Variants in ADGRE3 observed in about 807,000 individuals in gnomAD.
The protein encoded by ADGRE3 is EGF-like module receptor 3.
ADGRE3 carries 88 observed loss-of-function variants against 80.1 expected under a neutral mutation model. The ratio of observed to expected loss-of-function variants is 1.10; its 90% CI spans 0.93 to 1.31. ADGRE3 has a LOEUF of 1.31. Ranked by LOEUF, ADGRE3 falls within the 40% of genes most tolerant of loss-of-function variation. The pLI is 0.00. For missense variants in ADGRE3, 715 were observed against 776.5 expected (o/e 0.92, Z 0.94); for synonymous variants, 281 against 294.8 (o/e 0.95, Z 0.48).
chr19:14,603,483 G>A, the ADGRE3 span, among the ~76,000 whole-genome samples: 1 of 151,690 alleles, frequency 6.6e-6, no homozygotes, highest in Non-Finnish European at 1.5e-5. Flanking sequence ...TTTTTGAGAT[G>A]GGATCTTGCT....
chr19:14,643,155 T>G (rs1229230075), intron 9 of ADGRE3, among the ~76,000 whole-genome samples: 1 of 150,052 alleles, frequency 6.7e-6, no homozygotes, highest in Non-Finnish European at 1.5e-5. Context: ...TTTTTTTTTT[T>G]TTTTTTTTTT....
chr19:14,640,788 G>A (rs958694065), intron 10 of ADGRE3, among the ~76,000 whole-genome samples: 1 of 152,098 alleles, frequency 6.6e-6, no homozygotes, highest in Non-Finnish European at 1.5e-5. Context: ...TGTTCTCGTG[G>A]TAGGAAATAA....
chr19:14,600,637 A>G, the ADGRE3 span, among the ~76,000 whole-genome samples: 1 of 150,992 alleles, frequency 6.6e-6, no homozygotes, highest in South Asian at 2.1e-4. Context: ...GCTGGAGTGC[A>G]GTGGCTGGAT....
chr19:14,637,171 A>G (rs1485042954), intron 11 of ADGRE3, among the ~76,000 whole-genome samples: 1 of 152,264 alleles, frequency 6.6e-6, no homozygotes, highest in East Asian at 1.9e-4. Flanking sequence ...TACCAGTGAA[A>G]CTACTGGCTT....
chr19:14,661,176 G>C (rs116544949), intron 4 of ADGRE3, among the ~76,000 whole-genome samples: 19 of 152,134 alleles, frequency 1.2e-4, no homozygotes, highest in Non-Finnish European at 8.8e-5. Context: ...TCCCGGTCTC[G>C]AGTGATCTAC....
Position 14,649,574 on chromosome 19 carries a change from A to T in ADGRE3, c.697+1511T>A, listed in dbSNP as rs371409352. On this transcript the variant is annotated intron_variant, in intron 7 of 15. Coordinates refer to ENST00000253673, the MANE Select transcript of ADGRE3 (RefSeq NM_032571.5). ...CATCTCTCTCTTTCCATCTCTCTCC[A>T]TCTCTTTCTCCTCATCTCTCTCTTT... is the stretch of plus-strand genomic sequence containing the variant. Among the ~76,000 whole-genome samples, 6 of 99,338 alleles carry T rather than the reference A, an allele frequency of 6.0e-5. No individual in the cohort carries two copies. In the East Asian group the frequency reaches 8.8e-4, roughly 15 times the overall value. 65.2% of individuals were successfully genotyped at this position (99,338 alleles called of 152,430 possible). A position where few individuals can be genotyped will look rare whatever the true frequency, so the allele number is the denominator to read the frequency against.
At position 14,655,066 on chromosome 19, in the gene ADGRE3, G is replaced by C; in HGVS notation, c.493C>G (p.Leu165Val). The stretch of plus-strand genomic sequence containing the variant: ...AGAACTTTCGATTCCACATCCCGGA[G>C]AATAGTGGTAGCTGTGGATGAGATT... The part of the protein sequence containing the change: ...QEISSTATTI[L>V]RDVESKVLET... Residue 165 changes from leucine to valine, a missense_variant, in exon 6 of 16, where the codon CTC (leucine) becomes GTC (valine). Transcript: ENST00000253673. 1 of 1,614,040 alleles carries C rather than the reference G, an allele frequency of 6.2e-7. No individual in the cohort carries two copies. The highest frequency in any genetic ancestry group is 8.5e-7 in the Non-Finnish European group (1 of 1,179,940).
chr19:14,656,174 C>T (rs998167314), intron 5 of ADGRE3, among the ~76,000 whole-genome samples: 5 of 151,620 alleles, frequency 3.3e-5, no homozygotes, highest in African/African-American at 1.2e-4. Flanking sequence ...GGTGAAACCC[C>T]ATCTCTACTG....
chr19:14,627,687 T>C lies in ADGRE3; in HGVS notation c.1813-2088A>G, dbSNP rs113830420. Among the ~76,000 whole-genome samples, 457 of 152,040 alleles carry C rather than the reference T, an allele frequency of 3.0e-3. 5 individuals carry two copies. The highest frequency in any genetic ancestry group is 0.01 in the African/African-American group (436 of 41,528). On this transcript the variant is annotated intron_variant, in intron 14 of 15. Transcript: ENST00000253673. ...AGCCACCACGCTTGGCTGGGTTCCA[T>C]TGTGGAGACAGCGTGCAGTCCAGAT...
chr19:14,607,546 TTTTA>T, the ADGRE3 span, among the ~76,000 whole-genome samples: 2,261 of 133,756 alleles, frequency 0.017, 50 homozygotes, highest in African/African-American at 0.072. Flanking sequence ...TTTTATTTTA[TTTTA>T]TTATTTATTT....
chr19:14,628,689 G>A, intron 14 of ADGRE3: 1 of 386,680 alleles, frequency 2.6e-6, no homozygotes, highest in Non-Finnish European at 5.2e-6. Flanking sequence ...GATGTGAGTT[G>A]CAAAAACTGC....
chr19:14,636,044 C>CCTTTCCTTTCCTTTCCTTTCCCTTTCTTT, intron 11 of ADGRE3, among the ~76,000 whole-genome samples: 1 of 67,196 alleles, frequency 1.5e-5, no homozygotes. Flanking sequence ...TTCCTTCCTT[C>CCTTTCCTTTCCTTTCCTTTCCCTTTCTTT]CTTCCTTCCT....
intron 8 of ADGRE3, 131 bp from the exon 9 acceptor site, chr19:14,644,406 C>T (rs920297024): frequency 6.5e-5 from 36 of 549,862 alleles, no homozygotes; most frequent in Admixed American, 3.1e-4. Context: ...CTGCAACCTC[C>T]GCTTCCTGGG....
At chr19:14,631,108 A>G (rs1265431510) in intron 13 of ADGRE3, among the ~76,000 whole-genome samples, 1 of 151,808 alleles carries the variant, frequency 6.6e-6, no homozygotes, top group African/African-American at 2.4e-5. Context: ...CTGACCTCAA[A>G]TAATCCACCT....
chr19:14,601,001 C>T, the ADGRE3 span, among the ~76,000 whole-genome samples: 2 of 142,570 alleles, frequency 1.4e-5, no homozygotes, highest in East Asian at 4.4e-4. Context: ...CTCCCGGGTT[C>T]AAGCAATTCT....
chr19:14,620,710 C>A (rs1970584855), intron 15 of ADGRE3, among the ~76,000 whole-genome samples: 1 of 146,970 alleles, frequency 6.8e-6, no homozygotes, highest in Admixed American at 7.0e-5. Flanking sequence ...CCTGCCTCAG[C>A]CTCCCAAATA....
intron 1 of ADGRE3, among the ~76,000 whole-genome samples, chr19:14,671,469 A>C (rs1972254620): frequency 6.6e-6 from 1 of 151,950 alleles, no homozygotes; most frequent in Non-Finnish European, 1.5e-5. Flanking sequence ...GACCTTTGTG[A>C]TTATTATATT....
intron 5 of ADGRE3, among the ~76,000 whole-genome samples, chr19:14,657,304 A>G (rs75817127): frequency 0.041 from 6,181 of 152,258 alleles, 143 homozygotes; most frequent in East Asian, 0.1. Context: ...GATTGATTAC[A>G]TGATGTAATC....
At chr19:14,656,709 A>T (rs780842155) in intron 5 of ADGRE3, among the ~76,000 whole-genome samples, 3 of 152,286 alleles carry the variant, frequency 2.0e-5, no homozygotes, top group Non-Finnish European at 4.4e-5. Context: ...CTATTGGCAC[A>T]GCTGCTGGCA....
Sources: gnomAD v4.1 joint callset for allele counts (sites outside exome capture counted in the v4.1 genomes callset) on GRCh38, gnomAD v4.1.1 for gene constraint, MANE v1.5 for transcripts, NCBI Gene and HGNC (gene_info 2026-07-23, HGNC 2026-07-21) for gene names.